The following KIF13A variants were observed in gnomAD, a reference collection of about 807,000 sequenced individuals.
KIF13A encodes kinesin-like protein KIF13A.
Under a neutral mutation model 212.2 loss-of-function variants are expected in KIF13A, and 79 were observed. The observed-to-expected ratio is 0.37, with a 90% CI of 0.31 to 0.45. The LOEUF is 0.45. Among genes scored for constraint, KIF13A ranks in the 20% least tolerant of loss-of-function variants. The pLI is 1.00. For synonymous variants in KIF13A, 789 were observed against 808.6 expected, an observed-to-expected ratio of 0.98 and a Z score of 0.41; for missense variants, 1,901 against 2,209.0, an observed-to-expected ratio of 0.86 and a Z score of 2.79.
In KIF13A at chr6:17,951,862, T is replaced by A. The variant is rs1777871631; in HGVS notation, c.146+35192A>T. ...CATATTCTTCATCAGTTGATGGACA[T>A]TTGGTGACTCATTACAAAAATCTTT... On this transcript the variant is annotated intron_variant, in intron 2 of 38. Transcript: ENST00000259711. The surrounding 1 kb of genome is among the most constrained non-coding windows in gnomAD (Gnocchi z 4.9). Among the ~76,000 whole-genome samples the A allele has an allele frequency of 6.6e-6, 1 of 152,220 alleles. No individual in the cohort carries two copies. Among genetic ancestry groups the A allele is most frequent in the Admixed American group, 6.5e-5 (1 of 15,274 alleles).
chr6:17,873,484 TA>T, intron 3 of KIF13A, 47 bp from the exon 4 acceptor site: 1 of 1,285,806 alleles, frequency 7.8e-7, no homozygotes, highest in South Asian at 1.3e-5. Context: ...ATTAACTTCT[TA>T]TGAGTAAATC....
rs540062820 is a variant in KIF13A, at chr6:17,831,867, T to C, written c.1267-632A>G. ...AAGATATATTTATTAGAGTCTACAA[T>C]GTAGTAGGTATTGATCTCGGGCTGG... On this transcript the variant is annotated intron_variant, in intron 12 of 38. Transcript: ENST00000259711. Among the ~76,000 whole-genome samples, 139 of 151,718 alleles carry C rather than the reference T, an allele frequency of 9.2e-4. 2 individuals carry two copies. Among genetic ancestry groups the C allele is most frequent in the African/African-American group, 3.2e-3 (132 of 41,304 alleles).
downstream of KIF13A, chr6:17,759,621 A>C (rs1266208886): frequency 6.6e-6 from 1 of 152,184 alleles, no homozygotes; most frequent in African/African-American, 2.4e-5. Context: ...CATACACATA[A>C]TCCTTCAATG....
chr6:17,853,953 T>C (rs1326413264), intron 6 of KIF13A, among the ~76,000 whole-genome samples: 1 of 152,184 alleles, frequency 6.6e-6, no homozygotes, highest in Non-Finnish European at 1.5e-5. Flanking sequence ...CTAAGTCATG[T>C]TCCATTTATT....
Position 17,898,261 on chromosome 6 carries a change from G to A in KIF13A, c.147-81C>T, listed in dbSNP as rs1047913492. 3.0e-6 allele frequency: 4 copies of A among 1,349,924 alleles called. No homozygotes were observed. The highest frequency in any genetic ancestry group is 2.9e-5 in the African/African-American group (2 of 68,560). 83.6% of individuals were successfully genotyped at this position (1,349,924 alleles called of 1,614,324 possible). On this transcript the variant is annotated intron_variant, in intron 2 of 38. Transcript: ENST00000259711. The surrounding 1 kb of genome is among the most constrained non-coding windows in gnomAD (Gnocchi z 5.2). ...AGCAGCCACATCAGAGGGAAACAAT[G>A]AAAGAGAAAAAAATAAGGTAAATTC...
chr6:17,958,417 T>C (rs1484451667), intron 2 of KIF13A, among the ~76,000 whole-genome samples: 2 of 152,366 alleles, frequency 1.3e-5, no homozygotes, highest in Non-Finnish European at 2.9e-5. Context: ...CATCTGACTA[T>C]ATCTAGTTAG....
At chr6:17,863,111 T>TA (rs1337361041) in intron 4 of KIF13A, among the ~76,000 whole-genome samples, 2 of 152,064 alleles carry the variant, frequency 1.3e-5, no homozygotes, top group Non-Finnish European at 2.9e-5. Flanking sequence ...AACAAAACAT[T>TA]AAAAAGAAAA....
intron 2 of KIF13A, among the ~76,000 whole-genome samples, chr6:17,924,476 A>G (rs1775329328): frequency 6.6e-6 from 1 of 152,246 alleles, no homozygotes; most frequent in African/African-American, 2.4e-5. Context: ...TGAATTAATC[A>G]ATAAAAGTGC....
rs1181750382 is a variant in KIF13A, at chr6:17,816,530, C to T, written c.2000+490G>A. On this transcript the variant is annotated intron_variant, in intron 17 of 38. Coordinates refer to ENST00000259711, the MANE Select transcript of KIF13A (RefSeq NM_022113.6). This position sits in a 1 kb window ranked among gnomAD's most constrained non-coding sequence, Gnocchi z 4.3. ...ACAAGGTCTCACTATGTTGCCTGGG[C>T]TGGATTCAAACTCCTGGGCTTAAGT... Among the ~76,000 whole-genome samples, 1 of 151,822 alleles carries T rather than the reference C, an allele frequency of 6.6e-6. No homozygotes were observed. Among genetic ancestry groups the T allele is most frequent in the Non-Finnish European group, 1.5e-5 (1 of 67,946 alleles).
chr6:17,770,889 C>T (rs1759437443), intron 38 of KIF13A: 1 of 575,390 alleles, frequency 1.7e-6, no homozygotes. Context: ...GCCTTTCTCC[C>T]TTTTTCTAAG....
At chr6:17,781,336 G>A (rs1760557487) in intron 29 of KIF13A, 35 bp from the exon 30 acceptor site, 7 of 1,510,900 alleles carry the variant, frequency 4.6e-6, no homozygotes, top group East Asian at 4.8e-5. Flanking sequence ...AAACAGTAGG[G>A]GAAAGTCAGT....
rs756170973 is a variant in KIF13A, at chr6:17,987,359, C to T, written c.55+50G>A. 2.4e-6 allele frequency: 3 copies of T among 1,245,032 alleles called. No individual in the cohort carries two copies. Among genetic ancestry groups the T allele is most frequent in the South Asian group, 1.4e-5 (1 of 71,082 alleles). 77.1% of individuals were successfully genotyped at this position (1,245,032 alleles called of 1,614,324 possible). A position where few individuals can be genotyped will look rare whatever the true frequency, so the allele number is the denominator to read the frequency against. ...CCCGGCCCCGCAGTTTCTAAAGTTG[C>T]CCCCGCCCTCAGCCCGAGCAGAAAT... On this transcript the variant is annotated intron_variant, in intron 1 of 38. Transcript: ENST00000259711. This position sits in a 1 kb window ranked among gnomAD's most constrained non-coding sequence, Gnocchi z 7.7.
At chr6:17,820,568 C>G (rs898475729) in intron 16 of KIF13A, among the ~76,000 whole-genome samples, 3 of 152,172 alleles carry the variant, frequency 2.0e-5, no homozygotes, top group African/African-American at 7.2e-5. Context: ...TTATTCAGCC[C>G]TTTCTCAAAA....
chr6:17,847,860 G>T (rs1767230410), intron 9 of KIF13A, among the ~76,000 whole-genome samples: 1 of 152,100 alleles, frequency 6.6e-6, no homozygotes. Flanking sequence ...TGCCCAGGCT[G>T]GAGTACAGTG....
chr6:17,794,538 A>C lies in KIF13A; in HGVS notation c.3075+34T>G, dbSNP rs1761871471. The C allele has an allele frequency of 6.3e-7, 1 of 1,582,336 alleles. No homozygotes were observed. Among genetic ancestry groups the C allele is most frequent in the Non-Finnish European group, 8.6e-7 (1 of 1,168,918 alleles). On this transcript the variant is annotated intron_variant, in intron 24 of 38. Transcript: ENST00000259711. This position sits in a 1 kb window ranked among gnomAD's most constrained non-coding sequence, Gnocchi z 4.1. ...ATGTGTAAGAGTGGAACAGAGAGAA[A>C]ACATTAAAAAAAAACCCAAAACAAA...
intron 2 of KIF13A, among the ~76,000 whole-genome samples, chr6:17,955,829 T>C (rs1253554695): frequency 6.6e-6 from 1 of 152,222 alleles, no homozygotes; most frequent in East Asian, 1.9e-4. Context: ...AGGTAATTCA[T>C]GCCAATTTGT....
At position 17,828,354 on chromosome 6, in the gene KIF13A, C is replaced by T. The variant is rs1428355504; in HGVS notation, c.1418G>A (p.Gly473Asp). The change falls in exon 14 of 39, where the codon GGT becomes GAT. Residue 473 changes from glycine (G) to aspartate (D), a missense_variant. By Grantham distance (94) the Gly-to-Asp change is moderately conservative. Around this residue, in one of 5 missense-constraint regions of KIF13A, gnomAD observed 506 missense variants for 637.4 expected, o/e 0.79. Coordinates refer to ENST00000259711, the MANE Select transcript of KIF13A (RefSeq NM_022113.6). The surrounding 1 kb of genome is among the most constrained non-coding windows in gnomAD (Gnocchi z 4.3). ...VYYLKDHTRV[G>D]ADTSQDIQLF... ...CTGGATATCTTGAGAGGTATCTGCA[C>T]CCACCCTGGTGTGATCCTAGTAAAA... 2 of 1,611,552 alleles carry T rather than the reference C, an allele frequency of 1.2e-6. No individual in the cohort carries two copies. Among genetic ancestry groups the T allele is most frequent in the Admixed American group, 1.7e-5 (1 of 59,674 alleles).
chr6:17,976,799 C>A (rs1299463969), intron 2 of KIF13A, among the ~76,000 whole-genome samples: 13 of 139,892 alleles, frequency 9.3e-5, no homozygotes, highest in East Asian at 4.1e-4. Flanking sequence ...AAGACTCCAT[C>A]TCAAAAAAAA....
chr6:17,981,714 G>A (rs1376916410), intron 2 of KIF13A, among the ~76,000 whole-genome samples: 1 of 152,118 alleles, frequency 6.6e-6, no homozygotes, highest in Non-Finnish European at 1.5e-5. Context: ...GAGTCACTGA[G>A]TCACTGTGTC....
Sources: gnomAD v4.1 joint callset for allele counts (sites outside exome capture counted in the v4.1 genomes callset) on GRCh38, gnomAD v4.1.1 for gene constraint, gnomAD v4.1.1 regional missense constraint, Gnocchi (gnomAD v3.1) non-coding constraint, MANE v1.5 for transcripts, NCBI Gene and HGNC (gene_info 2026-07-23, HGNC 2026-07-21) for gene names.